Variants in TFCP2L1 observed in about 807,000 individuals in gnomAD.
The protein encoded by TFCP2L1 is transcription factor CP2-like protein 1.
TFCP2L1 carries 12 observed loss-of-function variants against 72.2 expected under a neutral mutation model. The ratio of observed to expected loss-of-function variants is 0.17; its 90% CI spans 0.11 to 0.27. The LOEUF is 0.27. Ranked by LOEUF, TFCP2L1 falls within the 10% of genes least tolerant of loss-of-function variation. The pLI, the probability that TFCP2L1 is intolerant of heterozygous loss-of-function variation, is 1.00. For missense variants in TFCP2L1, 488 were observed against 624.6 expected (o/e 0.78, Z 2.33); for synonymous variants, 260 against 251.0 (o/e 1.04, Z -0.34).
chr2:121,273,710 A>G (rs1687090578), intron 2 of TFCP2L1, among the ~76,000 whole-genome samples: 1 of 152,236 alleles, frequency 6.6e-6, no homozygotes, highest in Non-Finnish European at 1.5e-5. Flanking sequence ...ATTACAAGGA[A>G]GGGGAGAGGA....
chr2:121,222,763 T>C lies in TFCP2L1; in HGVS notation c.*1578A>G, dbSNP rs992778678. 6.6e-6 allele frequency: 1 copy of C among 152,290 alleles called. No homozygotes were observed. Among genetic ancestry groups the C allele is most frequent in the African/African-American group, 2.4e-5 (1 of 41,552 alleles). 9.4% of individuals were successfully genotyped at this position (152,290 alleles called of 1,614,324 possible). A position where few individuals can be genotyped will look rare whatever the true frequency, so the allele number is the denominator to read the frequency against. Reference sequence around the variant, plus strand: ...TGTGAATACAATTGGACACTAGCAATGGGTAAACTGAATGGCATGTGAATG... The same window carrying C: ...TGTGAATACAATTGGACACTAGCAACGGGTAAACTGAATGGCATGTGAATG... On this transcript the variant is annotated 3_prime_UTR_variant, in exon 15 of 15. Coordinates refer to ENST00000263707, the MANE Select transcript of TFCP2L1 (RefSeq NM_014553.3).
intron 2 of TFCP2L1, among the ~76,000 whole-genome samples, chr2:121,255,815 T>C (rs917007840): frequency 2.0e-5 from 3 of 151,726 alleles, no homozygotes; most frequent in Non-Finnish European, 2.9e-5. Context: ...CGATCTCGGC[T>C]CACTGCAAGC....
chr2:121,241,742 T>TC (rs1384934627), intron 7 of TFCP2L1, among the ~76,000 whole-genome samples: 1 of 151,834 alleles, frequency 6.6e-6, no homozygotes, highest in Non-Finnish European at 1.5e-5. Context: ...TGTCTGAAAC[T>TC]CCAAGAGCCC....
At position 121,235,848 on chromosome 2, in the gene TFCP2L1, C is replaced by T. The variant is rs78523112; in HGVS notation, c.1004-537G>A. Among the ~76,000 whole-genome samples the T allele has an allele frequency of 2.1e-3, 323 of 152,088 alleles. 2 individuals carry two copies. Among genetic ancestry groups the T allele is most frequent in the African/African-American group, 7.3e-3 (303 of 41,476 alleles). On this transcript the variant is annotated intron_variant, in intron 10 of 14. Transcript: ENST00000263707. ...TGGATGCTGACAATCTGAATACACC[C>T]CAGGACCCAGCACTCAGAGCCAGCA...
At position 121,224,315 on chromosome 2, in the gene TFCP2L1, G is replaced by A. The variant is rs1213378237; in HGVS notation, c.*26C>T. 6.2e-7 allele frequency: 1 copy of A among 1,613,644 alleles called. No homozygotes were observed. Among genetic ancestry groups the A allele is most frequent in the Non-Finnish European group, 8.5e-7 (1 of 1,179,856 alleles). ...CGGGGATCCACAGGGCTGGGAGCTG[G>A]AGACAGGTATGAGGTCCACTGCTGC... On this transcript the variant is annotated 3_prime_UTR_variant, in exon 15 of 15. Coordinates refer to ENST00000263707, the MANE Select transcript of TFCP2L1 (RefSeq NM_014553.3).
intron 13 of TFCP2L1, 73 bp downstream of exon 13, chr2:121,231,753 T>G: frequency 1.3e-6 from 2 of 1,572,604 alleles, no homozygotes; most frequent in Admixed American, 3.5e-5. Context: ...AGTGTGTTTC[T>G]GGGGCAGGGG....
At chr2:121,237,396 T>C (rs1191128873) in intron 10 of TFCP2L1, among the ~76,000 whole-genome samples, 1 of 152,184 alleles carries the variant, frequency 6.6e-6, no homozygotes, top group East Asian at 1.9e-4. Flanking sequence ...GTCACCCAGA[T>C]GGTCCCCCTC....
rs1355781321 is a variant in TFCP2L1 at position 121,285,177 on chromosome 2, C to T, written c.-68G>A. ...GCAGACGCGGGGCGCGCCGAGGACCCAGCGGCGGCTTCGCGCTCCGAACCC... is the reference window on the plus strand; with the variant it reads ...GCAGACGCGGGGCGCGCCGAGGACCTAGCGGCGGCTTCGCGCTCCGAACCC... On this transcript the variant is annotated 5_prime_UTR_variant, in exon 1 of 15. Transcript: ENST00000263707. 1.1e-5 allele frequency: 14 copies of T among 1,318,548 alleles called. 1 individual carries two copies. The highest frequency in any genetic ancestry group is 9.7e-6 in the Non-Finnish European group (10 of 1,027,458). The allele number at this position is 1,318,548 out of a possible 1,614,324, so 81.7% of individuals were successfully genotyped here. A position where few individuals can be genotyped will look rare whatever the true frequency, so the allele number is the denominator to read the frequency against.
chr2:121,232,274 G>A (rs369469554), intron 12 of TFCP2L1, among the ~76,000 whole-genome samples: 200 of 152,258 alleles, frequency 1.3e-3, no homozygotes, highest in Non-Finnish European at 2.3e-3. Flanking sequence ...CAGTAGCTGG[G>A]ATTACAGGTG....
chr2:121,280,169 T>C (rs4338962), intron 2 of TFCP2L1, among the ~76,000 whole-genome samples: 2 of 151,782 alleles, frequency 1.3e-5, no homozygotes, highest in Admixed American at 6.6e-5. Flanking sequence ...CTTCTTGTTT[T>C]ACACATGAAA....
At chr2:121,224,916 C>G (rs982936959) in intron 14 of TFCP2L1, among the ~76,000 whole-genome samples, 1 of 149,782 alleles carries the variant, frequency 6.7e-6, no homozygotes, top group Non-Finnish European at 1.5e-5. Flanking sequence ...ACCCGGGAGG[C>G]GGAGCTTGCA....
At position 121,254,113 on chromosome 2, in the gene TFCP2L1, C is replaced by T. The variant is rs561235197; in HGVS notation, c.215-4466G>A. Among the ~76,000 whole-genome samples the T allele has an allele frequency of 5.3e-5, 8 of 152,284 alleles. No individual in the cohort carries two copies. The South Asian group carries it at 6.2e-4, about 12-fold the overall frequency. On this transcript the variant is annotated intron_variant, in intron 2 of 14. Transcript: ENST00000263707. ...CAGGACAGCGGGCTATGAGAAGGCGCGGGTCGTGTCTGTTCTGCTCATCAC... is the reference window on the plus strand; with the variant it reads ...CAGGACAGCGGGCTATGAGAAGGCGTGGGTCGTGTCTGTTCTGCTCATCAC...
Position 121,223,933 on chromosome 2 carries a change from G to C in TFCP2L1, c.*408C>G. 1 of 186,634 alleles carries C rather than the reference G, an allele frequency of 5.4e-6. No individual in the cohort carries two copies. Among genetic ancestry groups the C allele is most frequent in the South Asian group, 1.4e-4 (1 of 7,396 alleles). 11.6% of individuals were successfully genotyped at this position (186,634 alleles called of 1,614,324 possible). On this transcript the variant is annotated 3_prime_UTR_variant, in exon 15 of 15. Coordinates refer to ENST00000263707, the MANE Select transcript of TFCP2L1 (RefSeq NM_014553.3). ...AGGAGGTAAAGGTACCAGCTTCCAGGGTGAAGCAGAGCTTTCTCTGGAGGC... is the reference window on the plus strand; with the variant it reads ...AGGAGGTAAAGGTACCAGCTTCCAGCGTGAAGCAGAGCTTTCTCTGGAGGC...
intron 12 of TFCP2L1, among the ~76,000 whole-genome samples, chr2:121,232,310 T>C (rs1191646185): frequency 2.0e-5 from 3 of 152,016 alleles, no homozygotes; most frequent in African/African-American, 7.2e-5. Context: ...GGCTAATTTT[T>C]GTATTTTTAG....
In TFCP2L1 at chr2:121,231,833, C is replaced by T. The variant is rs768235839; in HGVS notation, c.1334G>A (p.Ser445Asn). Residue 445 changes from serine (S) to asparagine (N), a missense_variant, in exon 13 of 15, where the codon AGC becomes AAC. This residue lies in a region of TFCP2L1 where 286 missense variants were observed against 329.0 expected (regional missense o/e 0.87). Coordinates refer to ENST00000263707, the MANE Select transcript of TFCP2L1 (RefSeq NM_014553.3). ...QGPTGIHVVV[S>N]NEMVQNFQDE... is the part of the protein sequence containing the mutation. ...CCAGGCAGCAGCCCTCACCTCGTTG[C>T]TCACCACCACATGGATGCCCGTGGG... 8 of 1,612,978 alleles carry T rather than the reference C, an allele frequency of 5.0e-6. No individual in the cohort carries two copies. In the Admixed American group the frequency reaches 1.2e-4, roughly 24 times the overall value.
At chr2:121,284,087 A>C (rs1687318520) in intron 1 of TFCP2L1, among the ~76,000 whole-genome samples, 1 of 152,234 alleles carries the variant, frequency 6.6e-6, no homozygotes, top group Non-Finnish European at 1.5e-5. Context: ...TTTAAGATCT[A>C]AGTGGGAACT....
chr2:121,236,134 A>G (rs756969813), intron 10 of TFCP2L1, among the ~76,000 whole-genome samples: 14 of 152,180 alleles, frequency 9.2e-5, no homozygotes, highest in Non-Finnish European at 1.6e-4. Context: ...CTACACCACA[A>G]TTCACATACC....
chr2:121,281,362 C>T, intron 1 of TFCP2L1, 91 bp from the exon 2 acceptor site: 2 of 1,451,212 alleles, frequency 1.4e-6, no homozygotes, highest in East Asian at 2.4e-5. Context: ...ACGCAGACCA[C>T]CGGGGCCCAG....
chr2:121,252,836 A>G (rs1686638766), intron 2 of TFCP2L1, among the ~76,000 whole-genome samples: 1 of 152,168 alleles, frequency 6.6e-6, no homozygotes. Flanking sequence ...AAACAAATAC[A>G]CTCCCACCCT....
Sources: allele counts gnomAD v4.1 joint callset (sites outside exome capture counted in the v4.1 genomes callset), GRCh38; gene constraint gnomAD v4.1.1; regional missense constraint gnomAD v4.1.1; transcripts MANE v1.5; gene names NCBI Gene and HGNC (gene_info 2026-07-23, HGNC 2026-07-21).